The following AKAP9 variants were observed in gnomAD, a reference collection of about 807,000 sequenced individuals.
AKAP9 encodes the protein A-kinase anchor protein 9.
Under a neutral mutation model 488.5 loss-of-function variants are expected in AKAP9, and 311 were observed. The ratio of observed to expected loss-of-function variants is 0.64; its 90% confidence interval spans 0.58 to 0.70. The LOEUF is 0.70. Ranked by LOEUF, AKAP9 falls within the 30% of genes least tolerant of loss-of-function variation. AKAP9 has a pLI of 0.00. For synonymous variants in AKAP9, 1,462 were observed against 1,483.5 expected, an observed-to-expected ratio of 0.99 and a Z score of 0.33; for missense variants, 4,215 against 4,374.5, an observed-to-expected ratio of 0.96 and a Z score of 1.03.
At chr7:92,015,761 G>T (rs940726613) in intron 10 of AKAP9, among the ~76,000 whole-genome samples, 2 of 152,226 alleles carry the variant, frequency 1.3e-5, no homozygotes, top group East Asian at 3.9e-4. Context: ...ATTTCTGAAC[G>T]TCCATCCTTG....
chr7:92,019,647 A>G (rs185552356), intron 12 of AKAP9, among the ~76,000 whole-genome samples: 144 of 150,494 alleles, frequency 9.6e-4, no homozygotes, highest in African/African-American at 3.3e-3. Context: ...TTACATATAT[A>G]TATATAATAT....
At position 91,949,132 on chromosome 7, in the gene AKAP9, C is replaced by G. The variant is rs1255755844; in HGVS notation, c.48+7985C>G. Among the ~76,000 whole-genome samples the G allele has an allele frequency of 3.3e-5, 5 of 151,522 alleles. No homozygotes were observed. In the East Asian group the frequency reaches 9.6e-4, roughly 29 times the overall value. On this transcript the variant is annotated intron_variant, in intron 1 of 49. Transcript: ENST00000356239. ...TTGGGTTGTTACCAACTTCTTTTAT[C>G]TAATATTAATTATATATGTATATAA...
chr7:92,089,685 A>G (rs775345526), intron 38 of AKAP9, 156 bp downstream of exon 38: 1 of 834,274 alleles, frequency 1.2e-6, no homozygotes, highest in Non-Finnish European at 1.9e-6. Context: ...TAATTACTCT[A>G]GGGGTTAGAG....
chr7:92,040,350 A>G (rs926043508), intron 17 of AKAP9, among the ~76,000 whole-genome samples: 4 of 152,176 alleles, frequency 2.6e-5, no homozygotes, highest in African/African-American at 9.6e-5. Flanking sequence ...GAATAATGGC[A>G]TTATAGCTTC....
At chr7:92,093,345 GT>G (rs768224076) in intron 39 of AKAP9, 29 bp downstream of exon 39, 1 of 1,582,878 alleles carries the variant, frequency 6.3e-7, no homozygotes, top group Admixed American at 1.7e-5. Context: ...TTAAAAACAT[GT>G]AACAAGGAGT....
intron 1 of AKAP9, among the ~76,000 whole-genome samples, chr7:91,945,098 C>A (rs1055771117): frequency 6.6e-6 from 1 of 152,146 alleles, no homozygotes; most frequent in African/African-American, 2.4e-5. Flanking sequence ...TGTGATGGCT[C>A]ACTCCTGTAA....
At chr7:91,980,763 A>G (rs1279422349) in intron 3 of AKAP9, among the ~76,000 whole-genome samples, 2 of 152,128 alleles carry the variant, frequency 1.3e-5, no homozygotes, top group East Asian at 1.9e-4. Flanking sequence ...TAATGTTTCA[A>G]TAGTAGTTTT....
chr7:92,096,868 A>G lies in AKAP9; in HGVS notation c.9909A>G (p.Glu3303=). The G allele has an allele frequency of 6.2e-7, 1 of 1,614,174 alleles. No individual in the cohort carries two copies. The highest frequency in any genetic ancestry group is 1.3e-5 in the African/African-American group (1 of 75,050). ...GRNLELQVLL[E]SEKVRIREMS... ...ACTTAGAGCTTCAGGTACTTCTTGA[A>G]TCTGAGAAAGTTCGAATTCGGGAAA... The change falls in exon 41 of 50, where the codon GAA becomes GAG. Residue 3303 remains glutamate (E), a synonymous_variant. Coordinates refer to ENST00000356239, the MANE Select transcript of AKAP9 (RefSeq NM_005751.5).
At chr7:91,992,107 A>C (rs770693862) in intron 3 of AKAP9, 51 bp from the exon 4 acceptor site, 1 of 1,428,142 alleles carries the variant, frequency 7.0e-7, no homozygotes, top group South Asian at 1.2e-5. Flanking sequence ...TTGTTAGCTA[A>C]ATAAAATTAT....
chr7:92,083,608 G>T lies in AKAP9; in HGVS notation c.8599G>T (p.Glu2867Ter). The T allele has an allele frequency of 6.2e-7, 1 of 1,605,130 alleles. No homozygotes were observed. The highest frequency in any genetic ancestry group is 1.1e-5 in the South Asian group (1 of 88,778). Reference sequence around the variant, plus strand: ...TGTTGCCGTTCAGTTACTGAAAGAGGAATGTGGTACCTTGAAGGCAGTGAT... The same window carrying T: ...TGTTGCCGTTCAGTTACTGAAAGAGTAATGTGGTACCTTGAAGGCAGTGAT... ...HYVAVQLLKE[E>*]CGTLKAVIQC... The change falls in exon 33 of 50, where the codon GAA becomes TAA. Residue 2867 changes from glutamate (E) to a stop codon, truncating the protein, a stop_gained. Transcript: ENST00000356239. LOFTEE classifies it high-confidence loss of function.
chr7:91,959,869 G>A (rs1180410467), intron 1 of AKAP9, among the ~76,000 whole-genome samples: 1 of 152,070 alleles, frequency 6.6e-6, no homozygotes, highest in Non-Finnish European at 1.5e-5. Flanking sequence ...TTGTATCTTT[G>A]TGATATTTAA....
intron 7 of AKAP9, among the ~76,000 whole-genome samples, chr7:91,999,806 C>G (rs1396659479): frequency 6.6e-6 from 1 of 152,160 alleles, no homozygotes; most frequent in East Asian, 1.9e-4. Context: ...CAACATTTCC[C>G]TCTGAGGCTT....
In AKAP9 at chr7:92,079,243, A is replaced by G; in HGVS notation, c.7110A>G (p.Thr2370=). 3 of 1,614,128 alleles carry G rather than the reference A, an allele frequency of 1.9e-6. No individual in the cohort carries two copies. Among genetic ancestry groups the G allele is most frequent in the Non-Finnish European group, 2.5e-6 (3 of 1,180,002 alleles). The change falls in exon 31 of 50, where the codon ACA becomes ACG. Residue 2370 remains threonine (T), a synonymous_variant. Transcript: ENST00000356239. Reference sequence around the variant, plus strand: ...AATTGGCAAATATTGGACAGAAGACATCAATGAATGCTCATTCCCTCTCAG... The same window carrying G: ...AATTGGCAAATATTGGACAGAAGACGTCAATGAATGCTCATTCCCTCTCAG... The part of the protein sequence containing the change: ...QQELANIGQK[T]SMNAHSLSEE...
In AKAP9 at chr7:92,102,785, C is replaced by A; in HGVS notation, c.11289C>A (p.Thr3763=). 6.2e-7 allele frequency: 1 copy of A among 1,614,226 alleles called. No homozygotes were observed. The highest frequency in any genetic ancestry group is 8.5e-7 in the Non-Finnish European group (1 of 1,180,046). The change falls in exon 46 of 50, where the codon ACC becomes ACA. Residue 3763 remains threonine (T), a synonymous_variant. Coordinates refer to ENST00000356239, the MANE Select transcript of AKAP9 (RefSeq NM_005751.5). ...EVITNRPKGF[T]RFRSAVRVSI... ...TCACCAATCGCCCAAAGGGCTTCAC[C>A]AGGTTTCGGTCGGCCGTCAGAGTAT...
chr7:91,985,544 A>G (rs1796961287), intron 3 of AKAP9, among the ~76,000 whole-genome samples: 1 of 152,060 alleles, frequency 6.6e-6, no homozygotes, highest in South Asian at 2.1e-4. Context: ...TTTTGCATTC[A>G]TGTTAATCAG....
At chr7:92,021,007 T>C (rs1291899642) in intron 12 of AKAP9, among the ~76,000 whole-genome samples, 1 of 152,232 alleles carries the variant, frequency 6.6e-6, no homozygotes, top group Non-Finnish European at 1.5e-5. Context: ...TTTGGATCTA[T>C]CTTATTTAAC....
intron 2 of AKAP9, among the ~76,000 whole-genome samples, chr7:91,979,261 G>A (rs1026529463): frequency 1.3e-5 from 2 of 152,084 alleles, no homozygotes; most frequent in African/African-American, 4.8e-5. Flanking sequence ...GGCTGGTGAG[G>A]CCTCACAATC....
intron 45 of AKAP9, among the ~76,000 whole-genome samples, chr7:92,102,163 T>TAAAA (rs71933089): frequency 3.6e-4 from 39 of 107,516 alleles, no homozygotes; most frequent in Admixed American, 4.7e-4. Context: ...CTCATAAATT[T>TAAAA]AAAAAAAAAA....
chr7:92,039,663 A>T (rs1584269350), intron 17 of AKAP9, among the ~76,000 whole-genome samples: 1 of 151,938 alleles, frequency 6.6e-6, no homozygotes, highest in Non-Finnish European at 1.5e-5. Flanking sequence ...TTTTGTTCAG[A>T]CTAATATTCA....
Sources: allele counts gnomAD v4.1 joint callset (sites outside exome capture counted in the v4.1 genomes callset), GRCh38; gene constraint gnomAD v4.1.1; transcripts MANE v1.5; gene names NCBI Gene and HGNC (gene_info 2026-07-23, HGNC 2026-07-21).